The following DIP2C variants were observed in gnomAD, a reference collection of about 807,000 sequenced individuals.
The protein encoded by DIP2C is DIP2 acetate--CoA ligase C (putative).
In DIP2C, 33 loss-of-function variants were observed where a neutral mutation model predicts 192.4. The observed-to-expected ratio is 0.17, with a 90% CI of 0.13 to 0.23. DIP2C has a LOEUF of 0.23. Among genes scored for constraint, DIP2C ranks in the 10% least tolerant of loss-of-function variants. The probability of loss-of-function intolerance (pLI) is 1.00; values close to 1 mark genes in which losing one functional copy is unlikely to be tolerated. For missense variants in DIP2C, 1,537 were observed against 2,110.1 expected (o/e 0.73, Z 5.32); for synonymous variants, 979 against 864.1 (o/e 1.13, Z -2.33).
intron 11 of DIP2C, 105 bp downstream of exon 11, chr10:390,635 T>C: frequency 1.3e-6 from 2 of 1,519,032 alleles, no homozygotes; most frequent in Non-Finnish European, 1.8e-6. Context: ...GTGACTGACG[T>C]TTCATTCCAC....
chr10:529,725 A>T (rs1847259841), intron 1 of DIP2C, among the ~76,000 whole-genome samples: 1 of 152,180 alleles, frequency 6.6e-6, no homozygotes, highest in African/African-American at 2.4e-5. Flanking sequence ...ACATCATCTA[A>T]GATTTTTGTT....
At chr10:524,357 AATT>A (rs1390760983) in intron 1 of DIP2C, among the ~76,000 whole-genome samples, 1 of 152,202 alleles carries the variant, frequency 6.6e-6, no homozygotes, top group East Asian at 1.9e-4. Context: ...ACAGCAGGAA[AATT>A]ATTTAATTAC....
At chr10:494,497 G>T (rs1048847712) in intron 1 of DIP2C, among the ~76,000 whole-genome samples, 8 of 152,168 alleles carry the variant, frequency 5.3e-5, no homozygotes, top group Non-Finnish European at 2.9e-5. Flanking sequence ...TAGTAGCTAC[G>T]GCTTTCTGCT....
intron 29 of DIP2C, among the ~76,000 whole-genome samples, chr10:333,945 C>G (rs1030504548): frequency 6.6e-6 from 1 of 152,168 alleles, no homozygotes; most frequent in African/African-American, 2.4e-5. Context: ...TGTATGTCTT[C>G]TTCTGGTGAG....
In DIP2C at chr10:364,520, C is replaced by T; in HGVS notation, c.2331G>A (p.Leu777=). ...GGCCTCCGGGACCCACGAACCCCAG[C>T]AAGCCTGTCCTTATGAATGGGTATT... ...ISEYPFIRTG[L]LGFVGPGGLV... The change falls in exon 20 of 37, where the codon TTG becomes TTA. Residue 777 remains leucine (L), a synonymous_variant. Coordinates refer to ENST00000280886, the MANE Select transcript of DIP2C (RefSeq NM_014974.3). The T allele has an allele frequency of 1.2e-6, 2 of 1,614,202 alleles. No homozygotes were observed. Among genetic ancestry groups the T allele is most frequent in the Non-Finnish European group, 1.7e-6 (2 of 1,180,038 alleles).
intron 2 of DIP2C, among the ~76,000 whole-genome samples, chr10:481,901 G>A (rs1843639705): frequency 6.6e-6 from 1 of 151,762 alleles, no homozygotes; most frequent in African/African-American, 2.4e-5. Flanking sequence ...GCAAATACCT[G>A]CCCAATGTCC....
At chr10:673,043 C>G (rs1329895276) in intron 1 of DIP2C, among the ~76,000 whole-genome samples, 1 of 152,098 alleles carries the variant, frequency 6.6e-6, no homozygotes, top group Non-Finnish European at 1.5e-5. Flanking sequence ...AAGCCTGTAC[C>G]TGGTTAGAAC....
chr10:542,970 G>A (rs1750519145), intron 1 of DIP2C, among the ~76,000 whole-genome samples: 2 of 152,292 alleles, frequency 1.3e-5, no homozygotes, highest in South Asian at 4.1e-4. Context: ...CTTTGCTTCT[G>A]CCACATGCAG....
Position 291,556 on chromosome 10 carries a change from G to A in DIP2C, c.3987-3135C>T, listed in dbSNP as rs188613425. 3.3e-5 allele frequency among the ~76,000 whole-genome samples: 5 copies of A among 152,278 alleles called. No individual in the cohort carries two copies. The East Asian group carries it at 5.8e-4, about 18-fold the overall frequency. The stretch of plus-strand genomic sequence containing the variant: ...ATATTTGTAACATACACATCAGAGG[G>A]CTGATTCCCTCCATGTGCAAAGAAC... On this transcript the variant is annotated intron_variant, in intron 32 of 36. Coordinates refer to ENST00000280886, the MANE Select transcript of DIP2C (RefSeq NM_014974.3).
intron 35 of DIP2C, chr10:282,217 T>C (rs984096471): frequency 1.3e-5 from 2 of 152,378 alleles, no homozygotes; most frequent in African/African-American, 4.8e-5. Context: ...CCTCTTCTCC[T>C]GTGGCAGGGA....
At chr10:599,665 A>G (rs770377748) in intron 1 of DIP2C, among the ~76,000 whole-genome samples, 4 of 152,042 alleles carry the variant, frequency 2.6e-5, no homozygotes, top group Admixed American at 1.3e-4. Flanking sequence ...TGGACAGAGG[A>G]CCCCCTGGGG....
intron 3 of DIP2C, among the ~76,000 whole-genome samples, chr10:447,583 G>A: frequency 7.5e-6 from 1 of 132,896 alleles, no homozygotes; most frequent in Non-Finnish European, 1.6e-5. Flanking sequence ...CGATAATCAG[G>A]ATCACACACA....
chr10:604,437 T>C (rs1344748285), intron 1 of DIP2C, among the ~76,000 whole-genome samples: 1 of 152,168 alleles, frequency 6.6e-6, no homozygotes, highest in African/African-American at 2.4e-5. Flanking sequence ...ACAGAATCAA[T>C]GTAACTCAAC....
chr10:328,795 C>T (rs1447905867), intron 30 of DIP2C, among the ~76,000 whole-genome samples: 1 of 152,142 alleles, frequency 6.6e-6, no homozygotes, highest in East Asian at 1.9e-4. Flanking sequence ...CCAAAGAGTA[C>T]AAAGTCAGTT....
intron 3 of DIP2C, among the ~76,000 whole-genome samples, chr10:471,318 C>T (rs1328158470): frequency 2.0e-5 from 3 of 152,090 alleles, no homozygotes; most frequent in African/African-American, 7.2e-5. Flanking sequence ...AGGCAGACGG[C>T]AACTGAGGAT....
intron 5 of DIP2C, 127 bp downstream of exon 5, chr10:422,697 C>T: frequency 8.5e-7 from 1 of 1,174,186 alleles, no homozygotes; most frequent in Admixed American, 2.4e-5. Flanking sequence ...CCAAAGCACC[C>T]CAGGGGCCAG....
chr10:580,004 A>G (rs1032114769), intron 1 of DIP2C, among the ~76,000 whole-genome samples: 1 of 152,052 alleles, frequency 6.6e-6, no homozygotes, highest in Non-Finnish European at 1.5e-5. Context: ...TATAACATGT[A>G]TGTACATGAA....
chr10:449,644 G>A (rs11252493), intron 3 of DIP2C, among the ~76,000 whole-genome samples: 1 of 133,764 alleles, frequency 7.5e-6, no homozygotes, highest in African/African-American at 2.7e-5. Flanking sequence ...GGTCGGGGGA[G>A]GGGGGAGGGA....
At chr10:574,082 T>G (rs1849994615) in intron 1 of DIP2C, among the ~76,000 whole-genome samples, 1 of 152,254 alleles carries the variant, frequency 6.6e-6, no homozygotes, top group African/African-American at 2.4e-5. Context: ...ATTTTAAAAC[T>G]TCAATGCTTT....
Sources: allele counts gnomAD v4.1 joint callset (sites outside exome capture counted in the v4.1 genomes callset), GRCh38; gene constraint gnomAD v4.1.1; transcripts MANE v1.5; gene names NCBI Gene and HGNC (gene_info 2026-07-23, HGNC 2026-07-21).